Variants in CHRDL1 observed in about 807,000 individuals in gnomAD.
CHRDL1 encodes the protein chordin-like protein 1.
A neutral mutation model predicts 40.9 loss-of-function variants in CHRDL1; 19 were observed. The ratio of observed to expected loss-of-function variants is 0.46; its 90% CI spans 0.32 to 0.68. The LOEUF is 0.68. Ranked by LOEUF, CHRDL1 falls within the 30% of genes least tolerant of loss-of-function variation. The pLI is 0.03. For missense variants in CHRDL1, 329 were observed against 352.1 expected, an observed-to-expected ratio of 0.93 and a Z score of 0.53; for synonymous variants, 136 against 123.4, an observed-to-expected ratio of 1.10 and a Z score of -0.68.
At chrX:110,689,122 C>T (rs1299493437) in intron 8 of CHRDL1, among the ~76,000 whole-genome samples, 5 of 85,249 alleles carry the variant, frequency 5.9e-5, no homozygotes, top group East Asian at 4.3e-4. Context: ...ATTTTAAGAC[C>T]GGATCTTGCT....
chrX:110,733,635 C>A (rs1452898728), intron 4 of CHRDL1, among the ~76,000 whole-genome samples: 1 of 111,693 alleles, frequency 9.0e-6, no homozygotes, highest in Non-Finnish European at 1.9e-5. Context: ...TGGCTGGGCG[C>A]AGTGGCTCAT....
At chrX:110,706,461 A>G (rs1021591692) in intron 6 of CHRDL1, among the ~76,000 whole-genome samples, 1 of 112,030 alleles carries the variant, frequency 8.9e-6, no homozygotes, top group Non-Finnish European at 1.9e-5. Flanking sequence ...GTGGTACCCT[A>G]TGAAGCTGTA....
intron 3 of CHRDL1, among the ~76,000 whole-genome samples, chrX:110,761,777 T>A (rs1305037153): frequency 8.9e-6 from 1 of 112,553 alleles, no homozygotes; most frequent in Non-Finnish European, 1.9e-5. Context: ...ACCACAGCTG[T>A]GCTCCTGGGT....
At chrX:110,742,027 G>A (rs907707253) in intron 4 of CHRDL1, among the ~76,000 whole-genome samples, 5 of 112,370 alleles carry the variant, frequency 4.4e-5, no homozygotes, top group African/African-American at 1.6e-4. Flanking sequence ...GGAAAACAGA[G>A]AAAGGAGAAG....
chrX:110,727,586 T>A (rs1335178720), intron 4 of CHRDL1, among the ~76,000 whole-genome samples: 1 of 111,927 alleles, frequency 8.9e-6, no homozygotes, highest in Non-Finnish European at 1.9e-5. Flanking sequence ...AAATAGACAG[T>A]TGACAGAAAT....
intron 8 of CHRDL1, among the ~76,000 whole-genome samples, chrX:110,689,969 ATATATATC>A (rs1451584777): frequency 4.7e-5 from 2 of 42,889 alleles, no homozygotes; most frequent in South Asian, 5.9e-4. Flanking sequence ...CTATATATCT[ATATATATC>A]TATATATCTA....
chrX:110,690,311 G>A (rs1432474641), intron 8 of CHRDL1, among the ~76,000 whole-genome samples: 2 of 106,812 alleles, frequency 1.9e-5, no homozygotes, highest in African/African-American at 6.9e-5. Flanking sequence ...GCCTCCCAAA[G>A]TGCTTGGATT....
intron 4 of CHRDL1, among the ~76,000 whole-genome samples, chrX:110,743,862 G>A (rs967200732): frequency 5.4e-5 from 6 of 111,407 alleles, no homozygotes; most frequent in Admixed American, 9.5e-5. Flanking sequence ...TGAGAGTCAC[G>A]TGTGTGTGTT....
At chrX:110,744,962 C>T (rs1241232754) in intron 4 of CHRDL1, among the ~76,000 whole-genome samples, 2 of 70,353 alleles carry the variant, frequency 2.8e-5, no homozygotes, top group East Asian at 6.9e-4. Flanking sequence ...CTCTCTCATT[C>T]ACACACACAC....
At chrX:110,769,474 A>AGTGTT (rs1167250696) in intron 2 of CHRDL1, among the ~76,000 whole-genome samples, 2 of 112,799 alleles carry the variant, frequency 1.8e-5, no homozygotes, top group Non-Finnish European at 3.7e-5. Context: ...AATCCAATAG[A>AGTGTT]AAAACAATCT....
intron 3 of CHRDL1, among the ~76,000 whole-genome samples, chrX:110,761,198 C>T (rs1285565516): frequency 9.0e-6 from 1 of 111,588 alleles, no homozygotes. Flanking sequence ...GAATGAATAT[C>T]ACAGAGGTCA....
intron 9 of CHRDL1, among the ~76,000 whole-genome samples, chrX:110,682,095 G>A (rs1233727471): frequency 2.7e-5 from 3 of 112,110 alleles, no homozygotes; most frequent in Non-Finnish European, 1.9e-5. Context: ...CTGAAAAAGG[G>A]CCTTGGTTAA....
Position 110,681,479 on chromosome X carries a change from C to T in CHRDL1, c.1156+3G>A, listed in dbSNP as rs367822615. 1.7e-6 allele frequency: 2 copies of T among 1,202,052 alleles called. No homozygotes were observed. The highest frequency in any genetic ancestry group is 2.3e-6 in the Non-Finnish European group (2 of 888,538). Reference sequence around the variant, plus strand: ...GATGAGAAATTAATGTTGTCTTGCTCACCCTTTCGAATAGTCCAAACGTGG... The same window carrying T: ...GATGAGAAATTAATGTTGTCTTGCTTACCCTTTCGAATAGTCCAAACGTGG... On this transcript the variant is annotated splice_donor_region_variant and intron_variant, in intron 10 of 11. Coordinates refer to ENST00000372042, the MANE Select transcript of CHRDL1 (RefSeq NM_001143981.2).
At chrX:110,691,175 T>A (rs1382181405) in intron 8 of CHRDL1, among the ~76,000 whole-genome samples, 1 of 105,743 alleles carries the variant, frequency 9.5e-6, no homozygotes, top group African/African-American at 3.5e-5. Flanking sequence ...GATGGCGCCA[T>A]TACACCCCAG....
At chrX:110,700,829 A>T in intron 6 of CHRDL1, 108 bp from the exon 7 acceptor site, 9 of 509,000 alleles carry the variant, frequency 1.8e-5, no homozygotes, top group East Asian at 3.8e-5. Flanking sequence ...AAGTTCTTGA[A>T]GTGTTTTTGC....
At chrX:110,754,094 A>C (rs1339289543) in intron 4 of CHRDL1, among the ~76,000 whole-genome samples, 1 of 112,119 alleles carries the variant, frequency 8.9e-6, no homozygotes, top group African/African-American at 3.2e-5. Context: ...CTCTTGCCTC[A>C]GTTGGGCCAC....
At position 110,676,017 on chromosome X, in the gene CHRDL1, T is replaced by C. The variant is rs780132182; in HGVS notation, c.*214A>G. On this transcript the variant is annotated 3_prime_UTR_variant, in exon 12 of 12. Transcript: ENST00000372042. ...GTTCTATCCCTCCTCCTCCCACATA[T>C]AATTTAAGACTCTTCTAGTCTCTTT... 17 of 297,867 alleles carry C rather than the reference T, an allele frequency of 5.7e-5. No homozygotes were observed. In the South Asian group the frequency reaches 2.1e-3, roughly 36 times the overall value. 24.5% of individuals were successfully genotyped at this position (297,867 alleles called of 1,213,427 possible).
At chrX:110,741,330 C>T (rs1442479112) in intron 4 of CHRDL1, among the ~76,000 whole-genome samples, 1 of 111,783 alleles carries the variant, frequency 8.9e-6, no homozygotes, top group African/African-American at 3.3e-5. Flanking sequence ...AGGGTATACA[C>T]AGTATATATC....
At chrX:110,684,372 C>A (rs1021108410) in intron 9 of CHRDL1, among the ~76,000 whole-genome samples, 11 of 111,785 alleles carry the variant, frequency 9.8e-5, no homozygotes, top group Non-Finnish European at 3.8e-5. Context: ...CTCCTCACTG[C>A]CTTGTTCCTT....
Sources: allele counts gnomAD v4.1 joint callset (sites outside exome capture counted in the v4.1 genomes callset), GRCh38; gene constraint gnomAD v4.1.1; transcripts MANE v1.5; gene names NCBI Gene and HGNC (gene_info 2026-07-23, HGNC 2026-07-21).